The following CEL variants were observed in gnomAD, a reference collection of about 807,000 sequenced individuals.
CEL encodes carboxyl ester lipase, also known as bile salt-activated lipase.
A neutral mutation model predicts 57.1 loss-of-function variants in CEL; 39 were observed. That is an observed-to-expected ratio of 0.68 (90% CI 0.53 to 0.89). The LOEUF (loss-of-function observed/expected upper bound fraction) is 0.89, where lower values mean the gene tolerates loss of function less well. Ranked by LOEUF, CEL falls within the 40% of genes least tolerant of loss-of-function variation. The pLI is 0.00. For synonymous variants in CEL, 314 were observed against 396.6 expected (o/e 0.79, Z 2.48); for missense variants, 698 against 915.0 (o/e 0.76, Z 3.06).
chr9:133,063,681 C>T (rs902905992), intron 1 of CEL, among the ~76,000 whole-genome samples: 2 of 152,216 alleles, frequency 1.3e-5, no homozygotes, highest in Non-Finnish European at 1.5e-5. Context: ...GCCTCAGTTC[C>T]GTCAGGGACA....
Position 133,064,389 on chromosome 9 carries a change from G to C in CEL, c.67-15G>C. 6.2e-7 allele frequency: 1 copy of C among 1,613,254 alleles called. No individual in the cohort carries two copies. The highest frequency in any genetic ancestry group is 8.5e-7 in the Non-Finnish European group (1 of 1,179,986). ...GGCTTGAGCCCCCCTGACCCTGCCC[G>C]TGTCTCCCTCGCAGCTGGGCGCCGT... On this transcript the variant is annotated splice_polypyrimidine_tract_variant and intron_variant, in intron 1 of 10. Transcript: ENST00000372080.
chr9:133,067,303 C>T, intron 7 of CEL, 98 bp downstream of exon 7: 3 of 1,123,402 alleles, frequency 2.7e-6, no homozygotes, highest in Admixed American at 1.9e-5. Flanking sequence ...GGTGCCAGAG[C>T]TGCGGTCTTG....
intron 4 of CEL, 127 bp downstream of exon 4, chr9:133,065,364 A>C: frequency 1.9e-6 from 2 of 1,076,934 alleles, no homozygotes; most frequent in Non-Finnish European, 2.8e-6. Flanking sequence ...AAGCTGGAGT[A>C]GAATCATGAG....
rs1173929181 is a variant in CEL at position 133,064,652 on chromosome 9, C to T, written c.230C>T (p.Ala77Val). ...PHPGWQGTLK[A>V]KNFKKRCLQA... ...CTGCCACCTGCAGGGACCCTGAAGG[C>T]CAAGAACTTCAAGAAGAGATGCCTG... Residue 77 changes from alanine (A) to valine (V), a missense_variant, in exon 3 of 11, where the codon GCC (alanine) becomes GTC (valine). Around this residue, in one of 6 missense-constraint regions of CEL, gnomAD observed 327 missense variants for 374.1 expected, o/e 0.87. Coordinates refer to ENST00000372080, the MANE Select transcript of CEL (RefSeq NM_001807.6). 1.9e-6 allele frequency: 3 copies of T among 1,613,828 alleles called. No homozygotes were observed. The highest frequency in any genetic ancestry group is 2.7e-5 in the African/African-American group (2 of 74,902).
chr9:133,071,706 C>T lies in CEL; in HGVS notation c.2204C>T (p.Pro735Leu). The T allele has an allele frequency of 6.8e-6, 11 of 1,611,140 alleles. No individual in the cohort carries two copies. Among genetic ancestry groups the T allele is most frequent in the South Asian group, 1.1e-5 (1 of 91,046 alleles). ...VPPTGDSEAA[P>L]VPPTDDSKEA... The stretch of plus-strand genomic sequence containing the variant: ...CCCACGGGTGACTCTGAGGCTGCCC[C>T]TGTGCCCCCCACAGATGACTCCAAG... The change falls in exon 11 of 11, where the codon CCT becomes CTT. Residue 735 changes from proline to leucine, a missense_variant. Physicochemically the swap from Pro to Leu is moderately conservative, Grantham distance 98. Transcript: ENST00000372080.
chr9:133,070,389 T>C, intron 9 of CEL, 72 bp from the exon 10 acceptor site: 1 of 1,350,262 alleles, frequency 7.4e-7, no homozygotes, highest in East Asian at 2.5e-5. Flanking sequence ...GGGACCTCCC[T>C]CCAAGTCCGG....
chr9:133,066,763 TG>T lies in CEL; in HGVS notation c.670-71del, dbSNP rs1830183482. 6.2e-7 allele frequency: 1 copy of T among 1,607,334 alleles called. No individual in the cohort carries two copies. The highest frequency in any genetic ancestry group is 1.3e-5 in the African/African-American group (1 of 74,536). ...GAGCGTGGAGCTGGGGCTGTGGTGC[TG>T]GGGTGTCCTTGTCCCAGCGTGGGGT... On this transcript the variant is annotated intron_variant, in intron 5 of 10. Transcript: ENST00000372080. This position sits in a 1 kb window ranked among gnomAD's most constrained non-coding sequence, Gnocchi z 4.3.
At chr9:133,062,914 C>A (rs1374045037) in intron 1 of CEL, among the ~76,000 whole-genome samples, 2 of 151,190 alleles carry the variant, frequency 1.3e-5, no homozygotes, top group Admixed American at 6.6e-5. Flanking sequence ...CAGGCAGGAG[C>A]TCTCTCGAGG....
chr9:133,070,776 C>G (rs926008903), intron 10 of CEL, 118 bp downstream of exon 10: 2 of 1,342,600 alleles, frequency 1.5e-6, no homozygotes, highest in African/African-American at 2.9e-5. Context: ...TAACCTCCCC[C>G]TGCATCGGAA....
At chr9:133,064,791 C>T (rs1830148523) in intron 3 of CEL, 29 bp downstream of exon 3, 2 of 1,613,538 alleles carry the variant, frequency 1.2e-6, no homozygotes, top group Non-Finnish European at 1.7e-6. Flanking sequence ...CCCCAAGGGA[C>T]CCTCCCATGC....
At chr9:133,064,939 C>T in intron 3 of CEL, 101 bp from the exon 4 acceptor site, 1 of 1,554,770 alleles carries the variant, frequency 6.4e-7, no homozygotes, top group Non-Finnish European at 8.8e-7. Flanking sequence ...TGGAGCACCT[C>T]CCTGTCTTGG....
rs572853045 is a variant in CEL, at chr9:133,065,162, AACGTCATCGTGGTC to A, written c.466_479del (p.Val156LeufsTer21). On this transcript the variant is annotated frameshift_variant, in exon 4 of 11. Transcript: ENST00000372080. LOFTEE classifies it high-confidence loss of function. Reference sequence around the variant, plus strand: ...CGGCGAGGAGATCGCCACACGCGGAAACGTCATCGTGGTCACCTTCAACTACCGTGTCGGCCCCC... The same window carrying A: ...CGGCGAGGAGATCGCCACACGCGGAAACCTTCAACTACCGTGTCGGCCCCC... 4.7e-5 allele frequency: 76 copies of A among 1,613,902 alleles called. No homozygotes were observed. In the African/African-American group the frequency reaches 8.4e-4, roughly 18 times the overall value.
rs377579138 is a variant in CEL, at chr9:133,067,203, A to C, written c.893A>C (p.Glu298Ala). ...LAYKVPLAGL[E>A]YPMLHYVGFV... is the part of the protein sequence containing the mutation. Reference sequence around the variant, plus strand: ...TATAAGGTGCCGCTGGCAGGCCTGGAGTGTGAGTAGCTGCTCGGGTTGGCC... The same window carrying C: ...TATAAGGTGCCGCTGGCAGGCCTGGCGTGTGAGTAGCTGCTCGGGTTGGCC... The change falls in exon 7 of 11, where the codon GAG becomes GCG. Residue 298 changes from glutamate to alanine, a missense_variant and splice_region_variant. Physicochemically the swap from Glu to Ala is moderately radical, Grantham distance 107 (BLOSUM62 -1). Coordinates refer to ENST00000372080, the MANE Select transcript of CEL (RefSeq NM_001807.6). 3.1e-6 allele frequency: 5 copies of C among 1,613,180 alleles called. No homozygotes were observed. In the East Asian group the frequency reaches 8.9e-5, roughly 29 times the overall value.
intron 1 of CEL, among the ~76,000 whole-genome samples, chr9:133,064,175 C>T (rs1037464509): frequency 6.6e-6 from 1 of 152,196 alleles, no homozygotes; most frequent in Non-Finnish European, 1.5e-5. Flanking sequence ...GAACCAGTTT[C>T]CTCTAAGATT....
intron 4 of CEL, 27 bp downstream of exon 4, chr9:133,065,264 T>G: frequency 2.5e-6 from 4 of 1,608,650 alleles, no homozygotes; most frequent in Non-Finnish European, 2.5e-6. Flanking sequence ...GGCCCTGAGG[T>G]GGGGCGACCA....
At position 133,071,176 on chromosome 9, in the gene CEL, C is replaced by T. The variant is rs748765806; in HGVS notation, c.1674C>T (p.Thr558=). The change falls in exon 11 of 11, where the codon ACC becomes ACT. Residue 558 remains threonine, a synonymous_variant. Transcript: ENST00000372080. ...CCACAGTGACCGACCAGGAGGCCACCCCTGTGCCCCCCACAGGGGACTCCG... is the reference window on the plus strand; with the variant it reads ...CCACAGTGACCGACCAGGAGGCCACTCCTGTGCCCCCCACAGGGGACTCCG... ...ALPTVTDQEA[T]PVPPTGDSEA... 3.1e-6 allele frequency: 5 copies of T among 1,606,790 alleles called. No homozygotes were observed. In the South Asian group the frequency reaches 3.3e-5, roughly 11 times the overall value.
In CEL at chr9:133,066,527, C is replaced by A. The variant is rs1210261758; in HGVS notation, c.539-3C>A. 6.2e-7 allele frequency: 1 copy of A among 1,614,026 alleles called. No homozygotes were observed. The highest frequency in any genetic ancestry group is 1.3e-5 in the African/African-American group (1 of 75,050). On this transcript the variant is annotated splice_polypyrimidine_tract_variant and splice_region_variant and intron_variant, in intron 4 of 10. Coordinates refer to ENST00000372080, the MANE Select transcript of CEL (RefSeq NM_001807.6). This position sits in a 1 kb window ranked among gnomAD's most constrained non-coding sequence, Gnocchi z 4.3. Reference sequence around the variant, plus strand: ...AGCACCCCCTCCCCTGCCCTGCCCCCAGGTAACTATGGCCTTCGGGATCAG... The same window carrying A: ...AGCACCCCCTCCCCTGCCCTGCCCCAAGGTAACTATGGCCTTCGGGATCAG...
chr9:133,071,534 C>T lies in CEL; in HGVS notation c.2032C>T (p.Pro678Ser), dbSNP rs490954. The T allele has an allele frequency of 8.9e-6, 6 of 673,636 alleles. 1 individual carries two copies. Among genetic ancestry groups the T allele is most frequent in the African/African-American group, 3.0e-5 (1 of 33,408 alleles). The allele number at this position is 673,636 out of a possible 1,614,324, so 41.7% of individuals were successfully genotyped here. ...CGTGCCGCCCACGGGTGACGCCGGGCCCCCCCCCGTGCCGCCCACGGGTGA... is the reference window on the plus strand; with the variant it reads ...CGTGCCGCCCACGGGTGACGCCGGGTCCCCCCCCGTGCCGCCCACGGGTGA... ...PPVPPTGDAG[P>S]PPVPPTGDSG... The change falls in exon 11 of 11, where the codon CCC becomes TCC. Residue 678 changes from proline (P) to serine (S), a missense_variant. Physicochemically the swap from Pro to Ser is moderately conservative, Grantham distance 74. Coordinates refer to ENST00000372080, the MANE Select transcript of CEL (RefSeq NM_001807.6).
rs543591885 is a variant in CEL, at chr9:133,064,469, T to C, written c.132T>C (p.Gly44=). The change falls in exon 2 of 11, where the codon GGT becomes GGC. Residue 44 remains glycine (G), a synonymous_variant. Coordinates refer to ENST00000372080, the MANE Select transcript of CEL (RefSeq NM_001807.6). ...TCAATAAGAAGCTCGGCCTCCTGGGTGACTCTGTGGACATCTTCAAGGGCA... is the reference window on the plus strand; with the variant it reads ...TCAATAAGAAGCTCGGCCTCCTGGGCGACTCTGTGGACATCTTCAAGGGCA... The part of the protein sequence containing the change: ...EGVNKKLGLL[G]DSVDIFKGIP... 1.9e-4 allele frequency: 304 copies of C among 1,613,998 alleles called. No homozygotes were observed. Among genetic ancestry groups the C allele is most frequent in the Non-Finnish European group, 2.5e-4 (296 of 1,180,016 alleles).
Sources: allele counts gnomAD v4.1 joint callset (sites outside exome capture counted in the v4.1 genomes callset), GRCh38; gene constraint gnomAD v4.1.1; regional missense constraint gnomAD v4.1.1; non-coding constraint Gnocchi (gnomAD v3.1); transcripts MANE v1.5; gene names NCBI Gene and HGNC (gene_info 2026-07-23, HGNC 2026-07-21).